Variants in HELLS observed in about 807,000 individuals in gnomAD.
HELLS encodes helicase, lymphoid specific, also known as lymphoid-specific helicase.
Under a neutral mutation model 120.0 loss-of-function variants are expected in HELLS, and 32 were observed. The observed-to-expected ratio is 0.27, with a 90% CI of 0.20 to 0.36. HELLS has a LOEUF of 0.36. Among genes scored for constraint, HELLS ranks in the 10% least tolerant of loss-of-function variants. The pLI, the probability that HELLS is intolerant of heterozygous loss-of-function variation, is 1.00. For synonymous variants in HELLS, 341 were observed against 323.4 expected, an observed-to-expected ratio of 1.05 and a Z score of -0.58; for missense variants, 650 against 993.4, an observed-to-expected ratio of 0.65 and a Z score of 4.65.
chr10:94,599,681 A>AG (rs1387749501), intron 21 of HELLS, among the ~76,000 whole-genome samples: 3 of 152,210 alleles, frequency 2.0e-5, no homozygotes, highest in Non-Finnish European at 4.4e-5. Flanking sequence ...TCTTCATAGG[A>AG]AGTCCAAGGG....
At chr10:94,569,788 G>T (rs975697875) in intron 6 of HELLS, 1 of 152,098 alleles carries the variant, frequency 6.6e-6, no homozygotes, top group Non-Finnish European at 1.5e-5. Flanking sequence ...TTCAAATCAG[G>T]ATCCGAAAAA....
chr10:94,570,652 T>C (rs1844096571), intron 6 of HELLS: 1 of 152,010 alleles, frequency 6.6e-6, no homozygotes, highest in African/African-American at 2.4e-5. Context: ...TTATGTAAGA[T>C]AATTATTTGC....
intron 13 of HELLS, among the ~76,000 whole-genome samples, chr10:94,589,454 A>T (rs930990666): frequency 1.3e-5 from 2 of 152,198 alleles, no homozygotes; most frequent in East Asian, 3.9e-4. Flanking sequence ...AAGGTTATTG[A>T]TAACCAAAAA....
chr10:94,546,660 C>A (rs1842767090), intron 2 of HELLS, among the ~76,000 whole-genome samples, 162 bp downstream of exon 2: 2 of 152,046 alleles, frequency 1.3e-5, no homozygotes, highest in South Asian at 4.2e-4. Flanking sequence ...ACAGATATTG[C>A]CTTTGAGAAT....
At chr10:94,604,498 CTTAGT>C (rs763956384), downstream of HELLS, among the ~76,000 whole-genome samples, 70 of 148,676 alleles carry the variant, frequency 4.7e-4, no homozygotes, top group Non-Finnish European at 8.5e-4. Context: ...TGATTTTCCC[CTTAGT>C]TTAGTGTTTT....
exon 10 of HELLS, chr10:94,610,912 A>G (rs1846187030): frequency 6.6e-6 from 1 of 152,216 alleles, no homozygotes; most frequent in Non-Finnish European, 1.5e-5. Flanking sequence ...TTTTAATAGT[A>G]AGATAAAAAG....
At position 94,590,682 on chromosome 10, in the gene HELLS, T is replaced by C. The variant is rs779145900; in HGVS notation, c.1673T>C (p.Leu558Pro). 4 of 1,611,414 alleles carry C rather than the reference T, an allele frequency of 2.5e-6. No individual in the cohort carries two copies. Among genetic ancestry groups the C allele is most frequent in the Non-Finnish European group, 2.5e-6 (3 of 1,178,194 alleles). The part of the protein sequence containing the change: ...VNIPVESEVN[L>P]KLQNIMMLLR... The stretch of plus-strand genomic sequence containing the variant: ...ATCCCTGTAGAATCTGAAGTTAATC[T>C]GAAGCTGCAGAATATAATGATGCTA... The change falls in exon 15 of 22, where the codon CTG (leucine) becomes CCG (proline). Residue 558 changes from leucine (L) to proline (P), a missense_variant. By Grantham distance (98) the Leu-to-Pro change is moderately conservative (BLOSUM62 -3). Transcript: ENST00000348459.
Position 94,593,703 on chromosome 10 carries a change from C to G in HELLS, c.2088+88C>G. Reference sequence around the variant, plus strand: ...TTTGAAATGGAGTCTCACTCTGTTGCCCAGGCTGGAGTGCAGTGGCACGAT... The same window carrying G: ...TTTGAAATGGAGTCTCACTCTGTTGGCCAGGCTGGAGTGCAGTGGCACGAT... On this transcript the variant is annotated intron_variant, in intron 18 of 21. Transcript: ENST00000348459. 5 of 790,546 alleles carry G rather than the reference C, an allele frequency of 6.3e-6. 1 individual carries two copies. In the South Asian group the frequency reaches 7.2e-5, roughly 11 times the overall value. 49.0% of individuals were successfully genotyped at this position (790,546 alleles called of 1,614,324 possible).
chr10:94,585,856 T>A (rs1404681830), intron 12 of HELLS, among the ~76,000 whole-genome samples: 1 of 152,072 alleles, frequency 6.6e-6, no homozygotes, highest in African/African-American at 2.4e-5. Flanking sequence ...CAAAGGTGCA[T>A]GCCACCAGGT....
Position 94,574,210 on chromosome 10 carries a change from A to G in HELLS, c.705+23A>G, listed in dbSNP as rs375207293. On this transcript the variant is annotated intron_variant, in intron 8 of 21. Transcript: ENST00000348459. Reference sequence around the variant, plus strand: ...AGGGTAATGAATTGGAATTTTTAATACAAGATACTGGTTTTATTTCTATAG... The same window carrying G: ...AGGGTAATGAATTGGAATTTTTAATGCAAGATACTGGTTTTATTTCTATAG... 56 of 1,451,140 alleles carry G rather than the reference A, an allele frequency of 3.9e-5. No individual in the cohort carries two copies. In the African/African-American group the frequency reaches 6.1e-4, roughly 16 times the overall value. The allele number at this position is 1,451,140 out of a possible 1,614,324, so 89.9% of individuals were successfully genotyped here. A position where few individuals can be genotyped will look rare whatever the true frequency, so the allele number is the denominator to read the frequency against.
In HELLS at chr10:94,590,624, A is replaced by T; in HGVS notation, c.1629-14A>T. On this transcript the variant is annotated splice_polypyrimidine_tract_variant and intron_variant, in intron 14 of 21. Transcript: ENST00000348459. Reference sequence around the variant, plus strand: ...TTTTTGCATTTCCCATATATGCATTATTTGTTTTGGTAGAGCTGTTGTGGA... The same window carrying T: ...TTTTTGCATTTCCCATATATGCATTTTTTGTTTTGGTAGAGCTGTTGTGGA... The T allele has an allele frequency of 6.2e-7, 1 of 1,606,508 alleles. No individual in the cohort carries two copies. The highest frequency in any genetic ancestry group is 1.1e-5 in the South Asian group (1 of 88,856).
chr10:94,555,435 T>C (rs759136985), intron 3 of HELLS, among the ~76,000 whole-genome samples: 1 of 151,958 alleles, frequency 6.6e-6, no homozygotes, highest in Non-Finnish European at 1.5e-5. Flanking sequence ...AGACCCTGCC[T>C]CAAAAATAAA....
intron 13 of HELLS, among the ~76,000 whole-genome samples, chr10:94,588,719 A>G (rs1845305861): frequency 6.6e-6 from 1 of 152,052 alleles, no homozygotes; most frequent in African/African-American, 2.4e-5. Context: ...CATTTTTAGG[A>G]CTTGGGTGAA....
At chr10:94,569,932 T>C (rs1366951389) in intron 6 of HELLS, 1 of 152,244 alleles carries the variant, frequency 6.6e-6, no homozygotes, top group Admixed American at 6.5e-5. Context: ...TTCTAGACTT[T>C]ACTGATTGTA....
chr10:94,577,621 C>T (rs1348602458), intron 10 of HELLS: 1 of 152,516 alleles, frequency 6.6e-6, no homozygotes, highest in East Asian at 1.9e-4. Flanking sequence ...TGAATGTGTA[C>T]AGCATTAAAA....
chr10:94,594,469 G>C (rs944927202), intron 18 of HELLS, among the ~76,000 whole-genome samples: 1 of 152,096 alleles, frequency 6.6e-6, no homozygotes, highest in Admixed American at 6.5e-5. Context: ...GTGAGTCATC[G>C]TGCCCATCCT....
At chr10:94,554,663 T>G (rs1483663920) in intron 3 of HELLS, among the ~76,000 whole-genome samples, 1 of 150,632 alleles carries the variant, frequency 6.6e-6, no homozygotes, top group Non-Finnish European at 1.5e-5. Flanking sequence ...TTTGTTTTTT[T>G]TTTTTTAATG....
At chr10:94,557,381 C>G (rs539156885) in intron 3 of HELLS, among the ~76,000 whole-genome samples, 5 of 152,246 alleles carry the variant, frequency 3.3e-5, no homozygotes, top group African/African-American at 9.6e-5. Flanking sequence ...TAATGAGTTA[C>G]ACAGCATCTA....
At chr10:94,597,141 C>T (rs1845778016) in intron 21 of HELLS, 30 bp downstream of exon 21, 1 of 1,265,932 alleles carries the variant, frequency 7.9e-7, no homozygotes, top group Non-Finnish European at 1.1e-6. Flanking sequence ...TTAATGGAAG[C>T]TTCGAAACAT....
Sources: gnomAD v4.1 joint callset for allele counts (sites outside exome capture counted in the v4.1 genomes callset) on GRCh38, gnomAD v4.1.1 for gene constraint, MANE v1.5 for transcripts, NCBI Gene and HGNC (gene_info 2026-07-23, HGNC 2026-07-21) for gene names.